KYNU: variants seen among roughly 807,000 people sequenced by gnomAD.
KYNU encodes kynureninase, also known as L-kynurenine hydrolase.
In KYNU, 54 loss-of-function variants were observed where a neutral mutation model predicts 59.2. That is an observed-to-expected ratio of 0.91 (90% confidence interval 0.73 to 1.14). KYNU has a LOEUF of 1.14. Among genes scored for constraint, KYNU ranks in the 50% most tolerant of loss-of-function variants. The probability of loss-of-function intolerance (pLI) is 0.00; values close to 1 mark genes in which losing one functional copy is unlikely to be tolerated. For missense variants in KYNU, 567 were observed against 554.4 expected (o/e 1.02, Z -0.23); for synonymous variants, 177 against 192.0 (o/e 0.92, Z 0.65).
At chr2:142,980,710 G>T (rs898963787) in intron 8 of KYNU, among the ~76,000 whole-genome samples, 1 of 152,084 alleles carries the variant, frequency 6.6e-6, no homozygotes, top group African/African-American at 2.4e-5. Flanking sequence ...ATGCTGTGCT[G>T]GTTGTGTCAA....
rs1455546846 is a variant in KYNU, at chr2:142,998,808, A to G, written c.902+12787A>G. Among the ~76,000 whole-genome samples the G allele has an allele frequency of 2.0e-5, 3 of 151,990 alleles. No homozygotes were observed. In the East Asian group the frequency reaches 5.8e-4, roughly 29 times the overall value. ...CAGATCACAAGGTCAGGAGATTGAG[A>G]CCATCCTGGCCAACACAGTGAAATC... On this transcript the variant is annotated intron_variant, in intron 10 of 13. Coordinates refer to ENST00000264170, the MANE Select transcript of KYNU (RefSeq NM_003937.3).
At chr2:142,931,854 G>C (rs138975843) in intron 4 of KYNU, among the ~76,000 whole-genome samples, 2 of 152,156 alleles carry the variant, frequency 1.3e-5, no homozygotes, top group Non-Finnish European at 2.9e-5. Context: ...GATGAAGGCC[G>C]GCCTGTTATT....
At chr2:142,953,919 T>C (rs1162523646) in intron 4 of KYNU, 1 of 152,190 alleles carries the variant, frequency 6.6e-6, no homozygotes, top group East Asian at 1.9e-4. Context: ...CTATGTACTG[T>C]CTATTCTTTT....
intron 7 of KYNU, among the ~76,000 whole-genome samples, chr2:142,958,760 C>A (rs909233580): frequency 6.6e-6 from 1 of 152,240 alleles, no homozygotes; most frequent in East Asian, 1.9e-4. Flanking sequence ...AACAAGTCAA[C>A]ATGAGAGAGG....
Position 142,954,238 on chromosome 2 carries a change from C to T in KYNU, c.374-572C>T, listed in dbSNP as rs553721400. Among the ~76,000 whole-genome samples the T allele has an allele frequency of 2.8e-4, 43 of 152,086 alleles. No homozygotes were observed. In the South Asian group the frequency reaches 7.5e-3, roughly 26 times the overall value. On this transcript the variant is annotated intron_variant, in intron 4 of 13. Coordinates refer to ENST00000264170, the MANE Select transcript of KYNU (RefSeq NM_003937.3). ...GCATATTTTCTCATCAGACAATACA[C>T]GTCTATATTATCTTTTATCTCAGTG...
At position 143,046,590 on chromosome 2, in the gene KYNU, A is replaced by AAT. The variant is rs1687167868; in HGVS notation, c.*4427_*4428dup. On this transcript the variant is annotated 3_prime_UTR_variant, in exon 14 of 14. Coordinates refer to ENST00000264170, the MANE Select transcript of KYNU (RefSeq NM_003937.3). Reference sequence around the variant, plus strand: ...TATAGATATGTAGATATATGAAAGCAATATATATATGGATGTCTTTCTGGG... The same window carrying AAT: ...TATAGATATGTAGATATATGAAAGCAATATATATATATGGATGTCTTTCTGGG... 1.3e-5 allele frequency: 2 copies of AAT among 151,666 alleles called. No homozygotes were observed. 9.4% of individuals were successfully genotyped at this position (151,666 alleles called of 1,614,324 possible).
chr2:142,956,322 A>G, intron 6 of KYNU, 48 bp downstream of exon 6: 1 of 1,207,454 alleles, frequency 8.3e-7, no homozygotes. Context: ...CTCTTCCTAG[A>G]GCAGTGTATC....
Position 143,042,466 on chromosome 2 carries a change from G to T in KYNU, c.*294G>T. On this transcript the variant is annotated 3_prime_UTR_variant, in exon 14 of 14. Coordinates refer to ENST00000264170, the MANE Select transcript of KYNU (RefSeq NM_003937.3). ...CATGGTCATTGAAATGTTTTATGTT[G>T]GTTTAATTTCTGATTTAACTGACAA... 12 of 214,036 alleles carry T rather than the reference G, an allele frequency of 5.6e-5. No homozygotes were observed. The highest frequency in any genetic ancestry group is 1.7e-4 in the South Asian group (2 of 11,546). The allele number at this position is 214,036 out of a possible 1,614,324, so 13.3% of individuals were successfully genotyped here. A position where few individuals can be genotyped will look rare whatever the true frequency, so the allele number is the denominator to read the frequency against.
At chr2:142,925,450 T>C (rs1342718369) in intron 3 of KYNU, among the ~76,000 whole-genome samples, 1 of 152,226 alleles carries the variant, frequency 6.6e-6, no homozygotes, top group Non-Finnish European at 1.5e-5. Context: ...AAGGTAGTTT[T>C]AGCATTAGAT....
chr2:142,945,713 T>C (rs1683751030), intron 4 of KYNU, among the ~76,000 whole-genome samples: 1 of 151,796 alleles, frequency 6.6e-6, no homozygotes, highest in Non-Finnish European at 1.5e-5. Context: ...GGCAACAATA[T>C]CCTCACAAAA....
rs1337985803 is a variant in KYNU at position 143,046,149 on chromosome 2, C to T, written c.*3977C>T. ...CTTTCCAGCTCACATTCTGCTCCCT[C>T]CCCAAATCCACAGATAACCATCGAA... is the stretch of plus-strand genomic sequence containing the variant. On this transcript the variant is annotated 3_prime_UTR_variant, in exon 14 of 14. Coordinates refer to ENST00000264170, the MANE Select transcript of KYNU (RefSeq NM_003937.3). The T allele has an allele frequency of 3.3e-5, 5 of 152,150 alleles. No individual in the cohort carries two copies. Among genetic ancestry groups the T allele is most frequent in the Non-Finnish European group, 5.9e-5 (4 of 68,014 alleles). The allele number at this position is 152,150 out of a possible 1,614,324, so 9.4% of individuals were successfully genotyped here.
At chr2:142,941,622 G>A (rs987795192) in intron 4 of KYNU, among the ~76,000 whole-genome samples, 2 of 152,164 alleles carry the variant, frequency 1.3e-5, no homozygotes, top group African/African-American at 4.8e-5. Context: ...TCAGAGTTAG[G>A]AAGGGTGTGA....
intron 1 of KYNU, 132 bp from the exon 2 acceptor site, chr2:142,885,217 G>T (rs1167700859): frequency 2.8e-6 from 2 of 704,466 alleles, no homozygotes; most frequent in Non-Finnish European, 5.0e-6. Context: ...TTTAATGCTG[G>T]TTGGTTAAGT....
At chr2:142,977,056 A>C (rs1252584658) in intron 8 of KYNU, among the ~76,000 whole-genome samples, 1 of 152,136 alleles carries the variant, frequency 6.6e-6, no homozygotes, top group Non-Finnish European at 1.5e-5. Context: ...CAGAGGGAAT[A>C]GAATGTAAAT....
chr2:143,033,403 C>A, intron 12 of KYNU, 82 bp downstream of exon 12: 1 of 979,480 alleles, frequency 1.0e-6, no homozygotes, highest in Non-Finnish European at 1.7e-6. Flanking sequence ...ACTTTCTCTG[C>A]TACACAGCAA....
At chr2:142,916,912 G>A (rs748827983) in intron 2 of KYNU, among the ~76,000 whole-genome samples, 13 of 152,094 alleles carry the variant, frequency 8.5e-5, no homozygotes, top group East Asian at 1.9e-4. Flanking sequence ...TAAGCTCCAC[G>A]GCCTTTGTGA....
chr2:142,902,630 C>T (rs1040653009), intron 2 of KYNU, among the ~76,000 whole-genome samples: 15 of 152,122 alleles, frequency 9.9e-5, no homozygotes, highest in Non-Finnish European at 1.9e-4. Context: ...AAGTATTTAA[C>T]CTGCTGTAAG....
At chr2:142,982,798 T>G (rs1685086198) in intron 8 of KYNU, among the ~76,000 whole-genome samples, 1 of 152,098 alleles carries the variant, frequency 6.6e-6, no homozygotes, top group African/African-American at 2.4e-5. Context: ...ATGCATATTT[T>G]GCTTACCAAA....
chr2:142,960,531 G>A, intron 7 of KYNU, 93 bp from the exon 8 acceptor site: 2 of 1,165,772 alleles, frequency 1.7e-6, no homozygotes, highest in Non-Finnish European at 2.5e-6. Flanking sequence ...ATTTTATAAT[G>A]CAAAAGGGCT....
Sources: gnomAD v4.1 joint callset for allele counts (sites outside exome capture counted in the v4.1 genomes callset) on GRCh38, gnomAD v4.1.1 for gene constraint, MANE v1.5 for transcripts, NCBI Gene and HGNC (gene_info 2026-07-23, HGNC 2026-07-21) for gene names.